The following CAPZA2 variants were observed in gnomAD, a reference collection of about 807,000 sequenced individuals.
CAPZA2 encodes F-actin-capping protein subunit alpha-2.
In CAPZA2, 13 loss-of-function variants were observed where a neutral mutation model predicts 44.0. The ratio of observed to expected loss-of-function variants is 0.30; its 90% CI spans 0.19 to 0.47. CAPZA2 has a LOEUF of 0.47. Ranked by LOEUF, CAPZA2 falls within the 20% of genes least tolerant of loss-of-function variation. CAPZA2 has a pLI of 1.00. For synonymous variants in CAPZA2, 94 were observed against 108.2 expected, an observed-to-expected ratio of 0.87 and a Z score of 0.81; for missense variants, 244 against 338.6, an observed-to-expected ratio of 0.72 and a Z score of 2.19.
chr7:116,903,183 G>A (rs1400715095), intron 4 of CAPZA2, among the ~76,000 whole-genome samples: 1 of 151,974 alleles, frequency 6.6e-6, no homozygotes, highest in Non-Finnish European at 1.5e-5. Flanking sequence ...ACTTGACTTT[G>A]AGGGATTTCC....
intron 1 of CAPZA2, among the ~76,000 whole-genome samples, chr7:116,869,979 C>T (rs552597101): frequency 7.8e-4 from 119 of 152,284 alleles, no homozygotes; most frequent in African/African-American, 2.6e-3. Context: ...AGGCAATTCT[C>T]CTGCCTCAGC....
chr7:116,904,626 A>G (rs1038712019), intron 5 of CAPZA2: 9 of 408,222 alleles, frequency 2.2e-5, no homozygotes, highest in African/African-American at 1.4e-4. Context: ...ATTCTAATAC[A>G]TTGATTAAAG....
chr7:116,912,108 C>A lies in CAPZA2; in HGVS notation c.625C>A (p.His209Asn), dbSNP rs1408939839. ...YEDGNVQLVS[H>N]KDIQDSLTVS... ...AGATGGTAATGTTCAGCTAGTGAGTCATAAAGATATACAAGATTCCCTAAC... is the reference window on the plus strand; with the variant it reads ...AGATGGTAATGTTCAGCTAGTGAGTAATAAAGATATACAAGATTCCCTAAC... Residue 209 changes from histidine to asparagine, a missense_variant, in exon 8 of 10, where the codon CAT (histidine) becomes AAT (asparagine). Coordinates refer to ENST00000361183, the MANE Select transcript of CAPZA2 (RefSeq NM_006136.3). 1.9e-6 allele frequency: 3 copies of A among 1,612,886 alleles called. No homozygotes were observed. The highest frequency in any genetic ancestry group is 3.3e-5 in the Admixed American group (2 of 59,974).
At chr7:116,872,795 G>A (rs1796569074) in intron 1 of CAPZA2, among the ~76,000 whole-genome samples, 1 of 152,122 alleles carries the variant, frequency 6.6e-6, no homozygotes, top group African/African-American at 2.4e-5. Flanking sequence ...CCTTTTTGGT[G>A]TTACATTTTC....
intron 1 of CAPZA2, among the ~76,000 whole-genome samples, chr7:116,880,907 C>T: frequency 6.6e-6 from 1 of 151,110 alleles, no homozygotes; most frequent in Non-Finnish European, 1.5e-5. Flanking sequence ...CAGGGTTTCT[C>T]CCTGTTGGCC....
chr7:116,921,776 T>A lies in CAPZA2; in HGVS notation c.*3909T>A, dbSNP rs115949766. 6.6e-6 allele frequency: 1 copy of A among 152,182 alleles called. No individual in the cohort carries two copies. The highest frequency in any genetic ancestry group is 2.1e-4 in the South Asian group (1 of 4,830). The allele number at this position is 152,182 out of a possible 1,614,324, so 9.4% of individuals were successfully genotyped here. ...GAGGAGTTACTAGTAATGACAAATA[T>A]GACCAACGGAGTGACTGGCTGAGGG... On this transcript the variant is annotated 3_prime_UTR_variant, in exon 10 of 10. Transcript: ENST00000361183.
At chr7:116,890,944 T>C (rs1331374835) in intron 2 of CAPZA2, among the ~76,000 whole-genome samples, 3 of 152,114 alleles carry the variant, frequency 2.0e-5, no homozygotes, top group Non-Finnish European at 4.4e-5. Context: ...CCTTAACAGT[T>C]AGATGGTTCC....
In CAPZA2 at chr7:116,898,758, T is replaced by G. The variant is rs770950110; in HGVS notation, c.156-14T>G. On this transcript the variant is annotated splice_polypyrimidine_tract_variant and intron_variant, in intron 3 of 9. Transcript: ENST00000361183. Reference sequence around the variant, plus strand: ...ATATATAATTTTAAGTAATTGCCATTTTCTTTTTTTTAGTGCATTTGCACA... The same window carrying G: ...ATATATAATTTTAAGTAATTGCCATGTTCTTTTTTTTAGTGCATTTGCACA... 3 of 1,540,950 alleles carry G rather than the reference T, an allele frequency of 1.9e-6. No individual in the cohort carries two copies. Among genetic ancestry groups the G allele is most frequent in the Middle Eastern group, 1.8e-4 (1 of 5,710 alleles).
intron 4 of CAPZA2, 98 bp downstream of exon 4, chr7:116,898,933 C>A: frequency 3.0e-6 from 2 of 665,230 alleles, no homozygotes; most frequent in Non-Finnish European, 5.0e-6. Flanking sequence ...AAAAATTATT[C>A]ATATTTTAAT....
chr7:116,914,207 T>A (rs1338817734), intron 8 of CAPZA2, among the ~76,000 whole-genome samples: 7 of 151,414 alleles, frequency 4.6e-5, no homozygotes. Flanking sequence ...TTTTTTGTAT[T>A]TTTAGTAGAG....
intron 1 of CAPZA2, among the ~76,000 whole-genome samples, chr7:116,879,431 C>T (rs1246720051): frequency 7.2e-5 from 11 of 152,036 alleles, no homozygotes; most frequent in Admixed American, 1.3e-4. Context: ...TTTTTGGCAC[C>T]AGGGACCCAT....
At chr7:116,895,482 C>T (rs1796912397) in intron 3 of CAPZA2, among the ~76,000 whole-genome samples, 1 of 152,046 alleles carries the variant, frequency 6.6e-6, no homozygotes, top group Non-Finnish European at 1.5e-5. Context: ...ATCCACACTT[C>T]ATGTGCATTG....
intron 1 of CAPZA2, among the ~76,000 whole-genome samples, chr7:116,882,456 T>A (rs1585004950): frequency 1.3e-5 from 2 of 152,196 alleles, no homozygotes; most frequent in African/African-American, 4.8e-5. Flanking sequence ...TGGAATGGGT[T>A]GCTTGAAGAA....
At chr7:116,883,407 T>G (rs1165257926) in intron 1 of CAPZA2, among the ~76,000 whole-genome samples, 1 of 152,228 alleles carries the variant, frequency 6.6e-6, no homozygotes, top group African/African-American at 2.4e-5. Context: ...CAATATCTTC[T>G]TAGGAAAACA....
At chr7:116,881,800 C>G (rs1796707548) in intron 1 of CAPZA2, among the ~76,000 whole-genome samples, 1 of 151,806 alleles carries the variant, frequency 6.6e-6, no homozygotes. Flanking sequence ...CACCCCCGCC[C>G]TGGTCCAGGA....
At chr7:116,865,731 C>T (rs545698122) in intron 1 of CAPZA2, among the ~76,000 whole-genome samples, 1 of 152,190 alleles carries the variant, frequency 6.6e-6, no homozygotes, top group South Asian at 2.1e-4. Context: ...GCAGGTGTGC[C>T]AGGACACCCA....
intron 3 of CAPZA2, among the ~76,000 whole-genome samples, chr7:116,897,348 T>C (rs1404756936): frequency 6.6e-6 from 1 of 152,222 alleles, no homozygotes; most frequent in East Asian, 1.9e-4. Flanking sequence ...AGCTTCTTTT[T>C]TCTTTCTCAC....
At chr7:116,887,343 A>G (rs1040272300) in intron 1 of CAPZA2, among the ~76,000 whole-genome samples, 1 of 152,058 alleles carries the variant, frequency 6.6e-6, no homozygotes, top group Non-Finnish European at 1.5e-5. Flanking sequence ...CCTGGATAAC[A>G]TAGTGAGATC....
Position 116,889,682 on chromosome 7 carries a change from A to C in CAPZA2, c.103+1492A>C, listed in dbSNP as rs188617805. ...AATTACCCTAGAAATCCCTGAGGTC[A>C]TCCACAAACTACAATAATACATGAT... is the stretch of plus-strand genomic sequence containing the variant. On this transcript the variant is annotated intron_variant, in intron 2 of 9. Coordinates refer to ENST00000361183, the MANE Select transcript of CAPZA2 (RefSeq NM_006136.3). Among the ~76,000 whole-genome samples the C allele has an allele frequency of 3.3e-5, 5 of 152,344 alleles. No homozygotes were observed. In the East Asian group the frequency reaches 9.6e-4, roughly 29 times the overall value.
Sources: allele counts gnomAD v4.1 joint callset (sites outside exome capture counted in the v4.1 genomes callset), GRCh38; gene constraint gnomAD v4.1.1; transcripts MANE v1.5; gene names NCBI Gene and HGNC (gene_info 2026-07-23, HGNC 2026-07-21).